The following SLC39A6 variants were observed in gnomAD, a reference collection of about 807,000 sequenced individuals.
SLC39A6 encodes the protein zinc transporter ZIP6.
SLC39A6 carries 51 observed loss-of-function variants against 63.5 expected under a neutral mutation model. The ratio of observed to expected loss-of-function variants is 0.80; its 90% CI spans 0.64 to 1.01. SLC39A6 has a LOEUF of 1.01. Among genes scored for constraint, SLC39A6 ranks in the 50% least tolerant of loss-of-function variants. The pLI is 0.00. For synonymous variants in SLC39A6, 318 were observed against 324.7 expected (o/e 0.98, Z 0.22); for missense variants, 805 against 927.8 (o/e 0.87, Z 1.72).
At position 36,114,134 on chromosome 18, in the gene SLC39A6, A is replaced by G. The variant is rs781171137; in HGVS notation, c.1806T>C (p.Gly602=). ...VATLAWMVIM[G]DGLHNFSDGL... ...CATCGCTGAAATTGTGCAGGCCATC[A>G]CCCATTATCACCATCCAGGCCAGAG... The change falls in exon 7 of 10, where the codon GGT becomes GGC. Residue 602 remains glycine (G), a synonymous_variant. Coordinates refer to ENST00000269187, the MANE Select transcript of SLC39A6 (RefSeq NM_012319.4). The G allele has an allele frequency of 1.4e-5, 22 of 1,613,116 alleles. 1 individual carries two copies. In the South Asian group the frequency reaches 2.4e-4, roughly 18 times the overall value.
Position 36,122,103 on chromosome 18 carries a change from A to C in SLC39A6, c.1308T>G (p.Leu436=), listed in dbSNP as rs1402071342. The C allele has an allele frequency of 6.2e-7, 1 of 1,614,006 alleles. No individual in the cohort carries two copies. The highest frequency in any genetic ancestry group is 8.5e-7 in the Non-Finnish European group (1 of 1,179,946). The change falls in exon 5 of 10, where the codon CTT becomes CTG. Residue 436 remains leucine (L), a synonymous_variant. Coordinates refer to ENST00000269187, the MANE Select transcript of SLC39A6 (RefSeq NM_012319.4). ...TGATCAATGTGAGGACATGTTCAAC[A>C]AGAAACATGAAATACAGGCCTCCTA... is the stretch of plus-strand genomic sequence containing the variant. ...TALGGLYFMF[L]VEHVLTLIKQ...
At chr18:36,110,999 C>T (rs757924329) in intron 9 of SLC39A6, 60 bp downstream of exon 9, 128 of 1,593,206 alleles carry the variant, frequency 8.0e-5, no homozygotes, top group African/African-American at 7.4e-4. Flanking sequence ...GAGGCTTTAC[C>T]GAATATTTTC....
At chr18:36,119,168 TGAG>T (rs1032970363) in intron 5 of SLC39A6, among the ~76,000 whole-genome samples, 2 of 152,188 alleles carry the variant, frequency 1.3e-5, no homozygotes, top group Non-Finnish European at 2.9e-5. Flanking sequence ...CACAATATAA[TGAG>T]TAGTAGTTTT....
chr18:36,117,835 T>C (rs1326618800), intron 5 of SLC39A6, among the ~76,000 whole-genome samples: 2 of 152,008 alleles, frequency 1.3e-5, no homozygotes, highest in Non-Finnish European at 2.9e-5. Flanking sequence ...ATCGAGACCA[T>C]CCTGGCTAAC....
At chr18:36,118,839 G>T (rs1052185331) in intron 5 of SLC39A6, among the ~76,000 whole-genome samples, 1 of 152,200 alleles carries the variant, frequency 6.6e-6, no homozygotes, top group African/African-American at 2.4e-5. Context: ...CTCCTATTAG[G>T]AGGCAGTAAC....
At position 36,108,997 on chromosome 18, in the gene SLC39A6, C is replaced by T. The variant is rs929602041; in HGVS notation, c.*596G>A. On this transcript the variant is annotated 3_prime_UTR_variant, in exon 10 of 10. Transcript: ENST00000269187. ...ATTAGTATATGAAAAGTGCTCACTACGTTTTTACGGGAAATAATCCTGACA... is the reference window on the plus strand; with the variant it reads ...ATTAGTATATGAAAAGTGCTCACTATGTTTTTACGGGAAATAATCCTGACA... The T allele has an allele frequency of 2.0e-5, 3 of 152,276 alleles. No homozygotes were observed. Among genetic ancestry groups the T allele is most frequent in the African/African-American group, 4.8e-5 (2 of 41,574 alleles). 9.4% of individuals were successfully genotyped at this position (152,276 alleles called of 1,614,324 possible). A position where few individuals can be genotyped will look rare whatever the true frequency, so the allele number is the denominator to read the frequency against.
In SLC39A6 at chr18:36,116,856, A is replaced by G. The variant is rs974136225; in HGVS notation, c.1360-77T>C. On this transcript the variant is annotated intron_variant, in intron 5 of 9. Coordinates refer to ENST00000269187, the MANE Select transcript of SLC39A6 (RefSeq NM_012319.4). ...ACAGCTTTCAATCAATAACCAGGTA[A>G]GCAAAACACACAGAATGCCCCCACA... is the stretch of plus-strand genomic sequence containing the variant. The G allele has an allele frequency of 1.5e-5, 14 of 948,354 alleles. No homozygotes were observed. In the African/African-American group the frequency reaches 2.3e-4, roughly 15 times the overall value. 58.7% of individuals were successfully genotyped at this position (948,354 alleles called of 1,614,324 possible).
intron 5 of SLC39A6, among the ~76,000 whole-genome samples, chr18:36,119,649 A>G (rs796231733): frequency 2.8e-4 from 42 of 152,150 alleles, no homozygotes; most frequent in African/African-American, 8.9e-4. Context: ...TTAAAAAAGA[A>G]AAAATTATTC....
intron 8 of SLC39A6, 62 bp from the exon 9 acceptor site, chr18:36,111,311 C>T: frequency 6.7e-7 from 1 of 1,499,068 alleles, no homozygotes. Context: ...AGACACATAC[C>T]AAGATACTTC....
chr18:36,118,979 T>A (rs1444042204), intron 5 of SLC39A6, among the ~76,000 whole-genome samples: 1 of 152,142 alleles, frequency 6.6e-6, no homozygotes, highest in Non-Finnish European at 1.5e-5. Context: ...ATATCAGAGA[T>A]GATTCTCTAG....
intron 9 of SLC39A6, among the ~76,000 whole-genome samples, chr18:36,110,669 G>T (rs1408869515): frequency 2.0e-5 from 3 of 151,984 alleles, no homozygotes; most frequent in Non-Finnish European, 2.9e-5. Flanking sequence ...CTCCCAAGTA[G>T]CTGGGACTAC....
In SLC39A6 at chr18:36,124,521, T is replaced by A; in HGVS notation, c.969A>T (p.Ile323=). ...TTTACATAAAAAAGGCAATTTTACC[T>A]ATTTGTAATGAATAGGTCTTTGGAG... The part of the protein sequence containing the change: ...EIPPKTYSLQ[I]AWVGGFIAIS... The change falls in exon 3 of 10, where the codon ATA becomes ATT. Residue 323 remains isoleucine, a splice_region_variant and synonymous_variant. Coordinates refer to ENST00000269187, the MANE Select transcript of SLC39A6 (RefSeq NM_012319.4). 2.6e-6 allele frequency: 4 copies of A among 1,510,860 alleles called. No homozygotes were observed. The highest frequency in any genetic ancestry group is 3.6e-6 in the Non-Finnish European group (4 of 1,111,294). 93.6% of individuals were successfully genotyped at this position (1,510,860 alleles called of 1,614,324 possible).
rs2089295105 is a variant in SLC39A6 at position 36,110,970 on chromosome 18, A to C, written c.2115+89T>G. ...GCAAGATTCCACTTCCTGCTCCCCC[A>C]AAAAGAGAGAAAAAAAATGAGGCTT... On this transcript the variant is annotated intron_variant, in intron 9 of 9. Coordinates refer to ENST00000269187, the MANE Select transcript of SLC39A6 (RefSeq NM_012319.4). The C allele has an allele frequency of 2.0e-6, 3 of 1,536,806 alleles. No individual in the cohort carries two copies. The Admixed American group carries it at 6.1e-5, about 31-fold the overall frequency.
chr18:36,120,768 T>C (rs892551424), intron 5 of SLC39A6, among the ~76,000 whole-genome samples: 5 of 152,234 alleles, frequency 3.3e-5, no homozygotes, highest in African/African-American at 9.6e-5. Context: ...GCTAGGATCA[T>C]AGGCGTGAGC....
intron 6 of SLC39A6, among the ~76,000 whole-genome samples, chr18:36,115,180 G>A (rs574294640): frequency 3.9e-5 from 6 of 152,244 alleles, no homozygotes; most frequent in South Asian, 2.1e-4. Context: ...GGTGGCTCAC[G>A]CCTGTAATCC....
chr18:36,108,874 C>T lies in SLC39A6; in HGVS notation c.*719G>A, dbSNP rs2089279961. The T allele has an allele frequency of 6.6e-6, 1 of 152,178 alleles. No individual in the cohort carries two copies. Among genetic ancestry groups the T allele is most frequent in the African/African-American group, 2.4e-5 (1 of 41,452 alleles). 9.4% of individuals were successfully genotyped at this position (152,178 alleles called of 1,614,324 possible). On this transcript the variant is annotated 3_prime_UTR_variant, in exon 10 of 10. Coordinates refer to ENST00000269187, the MANE Select transcript of SLC39A6 (RefSeq NM_012319.4). ...CTCATCTGGTATATACCCGCACGAA[C>T]ATTTTGAAATTCCAATTTCTTGGTC...
At position 36,126,635 on chromosome 18, in the gene SLC39A6, C is replaced by T; in HGVS notation, c.373G>A (p.Asp125Asn). The T allele has an allele frequency of 6.2e-7, 1 of 1,613,326 alleles. No individual in the cohort carries two copies. The highest frequency in any genetic ancestry group is 1.7e-5 in the Admixed American group (1 of 59,956). The change falls in exon 2 of 10, where the codon GAC (aspartate) becomes AAC (asparagine). Residue 125 changes from aspartate to asparagine, a missense_variant. Physicochemically the swap from Asp to Asn is conservative, Grantham distance 23 (BLOSUM62 1). Transcript: ENST00000269187. ...TTATGGTGAGAGTGATGATCATGGTCAGAGTGATGCTCGTGCTCTGAGTGA... is the reference window on the plus strand; with the variant it reads ...TTATGGTGAGAGTGATGATCATGGTTAGAGTGATGCTCGTGCTCTGAGTGA... ...EHHSEHEHHS[D>N]HDHHSHHNHA...
Position 36,108,918 on chromosome 18 carries a change from A to T in SLC39A6, c.*675T>A, listed in dbSNP as rs1401583140. The T allele has an allele frequency of 6.6e-6, 1 of 152,198 alleles. No individual in the cohort carries two copies. The highest frequency in any genetic ancestry group is 1.5e-5 in the Non-Finnish European group (1 of 68,024). 9.4% of individuals were successfully genotyped at this position (152,198 alleles called of 1,614,324 possible). Reference sequence around the variant, plus strand: ...CTTGGTCAAGTGATATATTGCTTGAATTCATTAAATATATTTAGATTTCTG... The same window carrying T: ...CTTGGTCAAGTGATATATTGCTTGATTTCATTAAATATATTTAGATTTCTG... On this transcript the variant is annotated 3_prime_UTR_variant, in exon 10 of 10. Transcript: ENST00000269187.
chr18:36,123,777 C>T, intron 3 of SLC39A6, 113 bp from the exon 4 acceptor site: 1 of 1,039,464 alleles, frequency 9.6e-7, no homozygotes, highest in Admixed American at 2.8e-5. Context: ...AAGCTAAAAA[C>T]ACACAAATTC....
Sources: allele counts gnomAD v4.1 joint callset (sites outside exome capture counted in the v4.1 genomes callset), GRCh38; gene constraint gnomAD v4.1.1; transcripts MANE v1.5; gene names NCBI Gene and HGNC (gene_info 2026-07-23, HGNC 2026-07-21).